The following PPARA variants were observed in gnomAD, a reference collection of about 807,000 sequenced individuals.
PPARA encodes peroxisome proliferator activated receptor alpha.
In PPARA, 22 loss-of-function variants were observed where a neutral mutation model predicts 42.2. That is an observed-to-expected ratio of 0.52 (90% CI 0.37 to 0.74). The LOEUF (loss-of-function observed/expected upper bound fraction) is 0.74, where lower values mean the gene tolerates loss of function less well. Ranked by LOEUF, PPARA falls within the 30% of genes least tolerant of loss-of-function variation. PPARA has a pLI of 0.00. For missense variants in PPARA, 465 were observed against 608.2 expected, an observed-to-expected ratio of 0.76 and a Z score of 2.48; for synonymous variants, 242 against 239.3, an observed-to-expected ratio of 1.01 and a Z score of -0.10.
intron 7 of PPARA, among the ~76,000 whole-genome samples, chr22:46,223,237 C>G (rs867403326): frequency 1.3e-5 from 2 of 152,174 alleles, no homozygotes; most frequent in African/African-American, 4.8e-5. Flanking sequence ...TCCTGGAGTC[C>G]TCCTGCACCT....
At chr22:46,209,234 A>G (rs1434240756) in intron 4 of PPARA, among the ~76,000 whole-genome samples, 1 of 152,066 alleles carries the variant, frequency 6.6e-6, no homozygotes, top group Non-Finnish European at 1.5e-5. Context: ...GTTATCTTTT[A>G]TCTTTTTATA....
chr22:46,150,755 C>G lies in PPARA; in HGVS notation c.-210+103C>G, dbSNP rs1276860738. 1 of 148,894 alleles carries G rather than the reference C, an allele frequency of 6.7e-6. No individual in the cohort carries two copies. Among genetic ancestry groups the G allele is most frequent in the Non-Finnish European group, 1.5e-5 (1 of 66,952 alleles). The allele number at this position is 148,894 out of a possible 1,614,324, so 9.2% of individuals were successfully genotyped here. Reference sequence around the variant, plus strand: ...CGGAGGGCGGCGGACGGGGGAGGGGCAGGGGCTGGGCGGCGCATGCGCGGG... The same window carrying G: ...CGGAGGGCGGCGGACGGGGGAGGGGGAGGGGCTGGGCGGCGCATGCGCGGG... On this transcript the variant is annotated intron_variant, in intron 1 of 8. Coordinates refer to ENST00000407236, the MANE Select transcript of PPARA (RefSeq NM_005036.6). This position sits in a 1 kb window ranked among gnomAD's most constrained non-coding sequence, Gnocchi z 7.5.
At chr22:46,177,356 C>T (rs1470743323) in intron 3 of PPARA, among the ~76,000 whole-genome samples, 4 of 150,976 alleles carry the variant, frequency 2.6e-5, no homozygotes, top group African/African-American at 9.7e-5. Context: ...ATTTGATAGT[C>T]TCAGAGGCTG....
Position 46,156,234 on chromosome 22 carries a change from T to G in PPARA, c.-127+4264T>G, listed in dbSNP as rs753473392. ...ATCATGAGATTTGGATTCTAGCCCC[T>G]TAGCTGCTGCCTGCCAGGCCTGGAG... is the stretch of plus-strand genomic sequence containing the variant. On this transcript the variant is annotated intron_variant, in intron 2 of 8. Transcript: ENST00000407236. The surrounding 1 kb of genome is among the most constrained non-coding windows in gnomAD (Gnocchi z 5.2). 6.6e-6 allele frequency: 1 copy of G among 152,246 alleles called. No homozygotes were observed. The highest frequency in any genetic ancestry group is 1.5e-5 in the Non-Finnish European group (1 of 68,052). 9.4% of individuals were successfully genotyped at this position (152,246 alleles called of 1,614,324 possible). A position where few individuals can be genotyped will look rare whatever the true frequency, so the allele number is the denominator to read the frequency against.
intron 4 of PPARA, among the ~76,000 whole-genome samples, chr22:46,207,868 A>T (rs901714996): frequency 4.0e-5 from 6 of 150,888 alleles, no homozygotes; most frequent in Non-Finnish European, 7.4e-5. Flanking sequence ...AATTTTTTGT[A>T]GAGGTGGAGA....
At position 46,192,979 on chromosome 22, in the gene PPARA, G is replaced by T. The variant is rs1931760773; in HGVS notation, c.-42-5363G>T. 6.6e-6 allele frequency among the ~76,000 whole-genome samples: 1 copy of T among 152,188 alleles called. No homozygotes were observed. ...GGATGGTTACCAGAGGCTGGGAAGG[G>T]TGGTGAGGGGTTGGGGGCAGTGAAG... On this transcript the variant is annotated intron_variant, in intron 3 of 8. Coordinates refer to ENST00000407236, the MANE Select transcript of PPARA (RefSeq NM_005036.6). The surrounding 1 kb of genome is among the most constrained non-coding windows in gnomAD (Gnocchi z 4.3).
chr22:46,220,302 A>T, intron 7 of PPARA: 1 of 426,620 alleles, frequency 2.3e-6, no homozygotes, highest in Non-Finnish European at 4.3e-6. Context: ...AAGTACTAAG[A>T]TGATTTCTTA....
chr22:46,175,575 G>A (rs530063286), intron 2 of PPARA, among the ~76,000 whole-genome samples: 12 of 152,116 alleles, frequency 7.9e-5, no homozygotes, highest in South Asian at 2.1e-4. Flanking sequence ...TTAGCCAAGC[G>A]TGGTGGCGGG....
At chr22:46,229,413 C>T (rs900846637) in intron 7 of PPARA, among the ~76,000 whole-genome samples, 2 of 151,764 alleles carry the variant, frequency 1.3e-5, no homozygotes, top group South Asian at 2.1e-4. Context: ...ATTAGCTGGG[C>T]GTGGTGATGT....
intron 3 of PPARA, among the ~76,000 whole-genome samples, chr22:46,177,852 G>T (rs962188117): frequency 6.6e-6 from 1 of 152,098 alleles, no homozygotes; most frequent in Admixed American, 6.5e-5. Flanking sequence ...AGAACCTCAG[G>T]TGTGTAACCA....
chr22:46,213,315 G>A (rs1371072967), intron 4 of PPARA, among the ~76,000 whole-genome samples: 1 of 152,062 alleles, frequency 6.6e-6, no homozygotes, highest in Non-Finnish European at 1.5e-5. Flanking sequence ...ATCATGCTGA[G>A]CATTGTTTCA....
chr22:46,217,717 G>A (rs369321636), intron 5 of PPARA, among the ~76,000 whole-genome samples: 1 of 151,332 alleles, frequency 6.6e-6, no homozygotes, highest in South Asian at 2.1e-4. Flanking sequence ...AAATGACTTC[G>A]AATGCTGCCT....
chr22:46,226,217 TCACA>T (rs753104686), intron 7 of PPARA, among the ~76,000 whole-genome samples: 4 of 151,272 alleles, frequency 2.6e-5, no homozygotes, highest in Non-Finnish European at 5.9e-5. Context: ...GCACATATGC[TCACA>T]CACACGTGCA....
At position 46,216,083 on chromosome 22, in the gene PPARA, A is replaced by T. The variant is rs921191473; in HGVS notation, c.369+750A>T. Among the ~76,000 whole-genome samples, 1 of 152,176 alleles carries T rather than the reference A, an allele frequency of 6.6e-6. No individual in the cohort carries two copies. The highest frequency in any genetic ancestry group is 2.4e-5 in the African/African-American group (1 of 41,450). ...TACTTAGAGAAGTGCATTCTTTAAA[A>T]GAAAATAAGTCACATTGGACCGGGT... On this transcript the variant is annotated intron_variant, in intron 5 of 8. Transcript: ENST00000407236. The surrounding 1 kb of genome is among the most constrained non-coding windows in gnomAD (Gnocchi z 4.5).
Position 46,232,019 on chromosome 22 carries a change from T to C in PPARA, c.939T>C (p.Val313=), listed in dbSNP as rs779611146. The C allele has an allele frequency of 1.6e-5, 26 of 1,614,062 alleles. 1 individual carries two copies. In the African/African-American group the frequency reaches 2.5e-4, roughly 16 times the overall value. Residue 313 remains valine (V), a synonymous_variant, in exon 8 of 9, where the codon GTT becomes GTC. Coordinates refer to ENST00000407236, the MANE Select transcript of PPARA (RefSeq NM_005036.6). This position sits in a 1 kb window ranked among gnomAD's most constrained non-coding sequence, Gnocchi z 5.3. The part of the protein sequence containing the change: ...NDQVTLLKYG[V]YEAIFAMLSS... ...AAGTGACATTGCTAAAATACGGAGT[T>C]TATGAGGCCATATTCGCCATGCTGT...
chr22:46,160,087 G>A lies in PPARA; in HGVS notation c.-127+8117G>A, dbSNP rs4253635. On this transcript the variant is annotated intron_variant, in intron 2 of 8. Coordinates refer to ENST00000407236, the MANE Select transcript of PPARA (RefSeq NM_005036.6). This position sits in a 1 kb window ranked among gnomAD's most constrained non-coding sequence, Gnocchi z 4.5. ...CCGCCAGCGAAGGGCTGGGAAGTGC[G>A]GATCCAGGGCTGGTGCACTGAACCC... Among the ~76,000 whole-genome samples, 816 of 152,312 alleles carry A rather than the reference G, an allele frequency of 5.4e-3. 11 individuals carry two copies. The highest frequency in any genetic ancestry group is 0.019 in the African/African-American group (793 of 41,578).
At chr22:46,198,029 A>G (rs1932496552) in intron 3 of PPARA, among the ~76,000 whole-genome samples, 1 of 151,620 alleles carries the variant, frequency 6.6e-6, no homozygotes, top group Admixed American at 6.6e-5. Flanking sequence ...CAGGAGATCG[A>G]GACCACCCTG....
At chr22:46,170,901 C>A (rs1927920828) in intron 2 of PPARA, among the ~76,000 whole-genome samples, 1 of 151,606 alleles carries the variant, frequency 6.6e-6, no homozygotes. Context: ...GTGGTTCACG[C>A]CTGTAATCCC....
rs1601678958 is a variant in PPARA at position 46,184,799 on chromosome 22, G to C, written c.-43+7963G>C. Among the ~76,000 whole-genome samples, 1 of 152,316 alleles carries C rather than the reference G, an allele frequency of 6.6e-6. No individual in the cohort carries two copies. Among genetic ancestry groups the C allele is most frequent in the East Asian group, 1.9e-4 (1 of 5,188 alleles). On this transcript the variant is annotated intron_variant, in intron 3 of 8. Coordinates refer to ENST00000407236, the MANE Select transcript of PPARA (RefSeq NM_005036.6). This position sits in a 1 kb window ranked among gnomAD's most constrained non-coding sequence, Gnocchi z 4.4. ...TAACCTGGGAGGTGGAGGTTGCAGT[G>C]AGCTGAGATTGTGTCACTGCACTCC...
Sources: gnomAD v4.1 joint callset for allele counts (sites outside exome capture counted in the v4.1 genomes callset) on GRCh38, gnomAD v4.1.1 for gene constraint, Gnocchi (gnomAD v3.1) non-coding constraint, MANE v1.5 for transcripts, NCBI Gene and HGNC (gene_info 2026-07-23, HGNC 2026-07-21) for gene names.